The following UNC5C variants were observed in gnomAD, a reference collection of about 807,000 sequenced individuals.
The protein encoded by UNC5C is netrin receptor UNC5C.
In UNC5C, 47 loss-of-function variants were observed where a neutral mutation model predicts 99.8. That is an observed-to-expected ratio of 0.47 (90% CI 0.37 to 0.60). The LOEUF (loss-of-function observed/expected upper bound fraction) is 0.60. Among genes scored for constraint, UNC5C ranks in the 20% least tolerant of loss-of-function variants. The pLI is 0.00. For synonymous variants in UNC5C, 487 were observed against 452.2 expected (o/e 1.08, Z -0.98); for missense variants, 1,062 against 1,165.9 (o/e 0.91, Z 1.30).
intron 1 of UNC5C, among the ~76,000 whole-genome samples, chr4:95,464,342 A>G (rs906947045): frequency 1.3e-5 from 2 of 152,202 alleles, no homozygotes; most frequent in South Asian, 2.1e-4. Flanking sequence ...CAGAAATGAA[A>G]TTGCTACTGC....
chr4:95,410,669 C>T (rs944148786), intron 1 of UNC5C, among the ~76,000 whole-genome samples: 2 of 152,238 alleles, frequency 1.3e-5, no homozygotes, highest in Middle Eastern at 3.4e-3. Context: ...GAAAGTCAAG[C>T]CTCAGGCAGA....
In UNC5C at chr4:95,469,136, T is replaced by C. The variant is rs576700877; in HGVS notation, c.124+79598A>G. Reference sequence around the variant, plus strand: ...ATTGCTGGAGCTCACTTCTCTTCCTTACCAGTAAATTTCTTTTGCGGCATT... The same window carrying C: ...ATTGCTGGAGCTCACTTCTCTTCCTCACCAGTAAATTTCTTTTGCGGCATT... On this transcript the variant is annotated intron_variant, in intron 1 of 15. Coordinates refer to ENST00000453304, the MANE Select transcript of UNC5C (RefSeq NM_003728.4). Among the ~76,000 whole-genome samples the C allele has an allele frequency of 2.6e-5, 4 of 152,238 alleles. No individual in the cohort carries two copies. The East Asian group carries it at 7.7e-4, about 29-fold the overall frequency.
intron 1 of UNC5C, among the ~76,000 whole-genome samples, chr4:95,514,135 C>T (rs1722150846): frequency 6.6e-6 from 1 of 152,046 alleles, no homozygotes; most frequent in Non-Finnish European, 1.5e-5. Flanking sequence ...CGTCTCATTC[C>T]ACAGAACATG....
chr4:95,438,722 T>C (rs1746861282), intron 1 of UNC5C, among the ~76,000 whole-genome samples: 1 of 152,182 alleles, frequency 6.6e-6, no homozygotes, highest in Non-Finnish European at 1.5e-5. Context: ...ATTATTTCCA[T>C]TCTGCATCTG....
chr4:95,178,484 C>CAATCA (rs1736463476), intron 14 of UNC5C, among the ~76,000 whole-genome samples: 2 of 152,152 alleles, frequency 1.3e-5, no homozygotes, highest in Non-Finnish European at 2.9e-5. Context: ...GAGAGTATAT[C>CAATCA]AATCAATCAA....
intron 1 of UNC5C, among the ~76,000 whole-genome samples, chr4:95,540,179 T>G (rs1722881826): frequency 6.6e-6 from 1 of 152,156 alleles, no homozygotes; most frequent in African/African-American, 2.4e-5. Context: ...TCAAACTTCT[T>G]ACAAGTTTAT....
At chr4:95,307,821 C>T (rs1262239467) in intron 2 of UNC5C, among the ~76,000 whole-genome samples, 1 of 152,082 alleles carries the variant, frequency 6.6e-6, no homozygotes, top group Non-Finnish European at 1.5e-5. Context: ...TCAACATTTA[C>T]AAATCGATCA....
chr4:95,418,005 T>A (rs1746217073), intron 1 of UNC5C, among the ~76,000 whole-genome samples: 1 of 152,224 alleles, frequency 6.6e-6, no homozygotes, highest in South Asian at 2.1e-4. Flanking sequence ...ATTAAGGCAA[T>A]TAATGGTCTC....
intron 3 of UNC5C, among the ~76,000 whole-genome samples, chr4:95,301,109 G>T (rs1177135701): frequency 2.0e-5 from 3 of 149,466 alleles, no homozygotes; most frequent in Middle Eastern, 3.5e-3. Context: ...AAATAAAAAA[G>T]AAAATTAAAA....
At chr4:95,216,829 C>T (rs1579239235) in intron 9 of UNC5C, among the ~76,000 whole-genome samples, 1 of 152,338 alleles carries the variant, frequency 6.6e-6, no homozygotes, top group East Asian at 1.9e-4. Context: ...TCTGCTGTGG[C>T]AGTGGCTTGC....
At chr4:95,333,104 C>T (rs1211043623) in intron 2 of UNC5C, among the ~76,000 whole-genome samples, 3 of 152,126 alleles carry the variant, frequency 2.0e-5, no homozygotes, top group African/African-American at 2.4e-5. Context: ...GAAATAGGAA[C>T]ACTTTTACAC....
chr4:95,295,994 G>T (rs993810305), intron 3 of UNC5C, among the ~76,000 whole-genome samples: 1 of 152,188 alleles, frequency 6.6e-6, no homozygotes, highest in Non-Finnish European at 1.5e-5. Flanking sequence ...GGAGGCTGAG[G>T]CAGGAAAATC....
intron 5 of UNC5C, among the ~76,000 whole-genome samples, chr4:95,248,949 C>T (rs184726482): frequency 6.6e-6 from 1 of 152,342 alleles, no homozygotes; most frequent in Admixed American, 6.5e-5. Flanking sequence ...CCCAGAGCAA[C>T]TTCCAGGCCT....
intron 1 of UNC5C, among the ~76,000 whole-genome samples, chr4:95,350,626 TGACA>T (rs1024227815): frequency 2.0e-5 from 3 of 152,278 alleles, no homozygotes; most frequent in Admixed American, 6.5e-5. Flanking sequence ...CAATAATTAT[TGACA>T]GACAAATAGG....
intron 14 of UNC5C, among the ~76,000 whole-genome samples, chr4:95,174,376 T>G (rs1736249445): frequency 6.6e-6 from 1 of 152,228 alleles, no homozygotes; most frequent in African/African-American, 2.4e-5. Context: ...CTTGTGGGCA[T>G]TAAAGTGCTA....
At chr4:95,532,449 T>TAAAA (rs372395809) in intron 1 of UNC5C, among the ~76,000 whole-genome samples, 6,432 of 141,308 alleles carry the variant, frequency 0.046, 277 homozygotes, top group African/African-American at 0.11. Flanking sequence ...CCAACATCAT[T>TAAAA]AAAAAAAAAA....
At chr4:95,470,466 G>A (rs896846363) in intron 1 of UNC5C, among the ~76,000 whole-genome samples, 3 of 152,192 alleles carry the variant, frequency 2.0e-5, no homozygotes, top group Middle Eastern at 3.4e-3. Flanking sequence ...ACAACATCTG[G>A]GAAGGAGATA....
At chr4:95,225,833 G>A (rs772414638) in intron 7 of UNC5C, among the ~76,000 whole-genome samples, 24 of 152,206 alleles carry the variant, frequency 1.6e-4, no homozygotes, top group African/African-American at 5.8e-4. Flanking sequence ...GTTATGTAAG[G>A]CATCCCTGTA....
At chr4:95,171,687 C>T (rs1190454943) in intron 14 of UNC5C, among the ~76,000 whole-genome samples, 9 of 151,780 alleles carry the variant, frequency 5.9e-5, no homozygotes, top group East Asian at 3.9e-4. Flanking sequence ...TGAATAGTGC[C>T]GCAGTAAACA....
Sources: allele counts gnomAD v4.1 joint callset (sites outside exome capture counted in the v4.1 genomes callset), GRCh38; gene constraint gnomAD v4.1.1; transcripts MANE v1.5; gene names NCBI Gene and HGNC (gene_info 2026-07-23, HGNC 2026-07-21).